SYTL2: variants seen among roughly 807,000 people sequenced by gnomAD.
SYTL2 encodes synaptotagmin like 2, also known as synaptotagmin-like protein 2.
A neutral mutation model predicts 198.7 loss-of-function variants in SYTL2; 165 were observed. That is an observed-to-expected ratio of 0.83 (90% CI 0.73 to 0.94). The LOEUF is 0.94. Ranked by LOEUF, SYTL2 falls within the 40% of genes least tolerant of loss-of-function variation. The pLI, the probability that SYTL2 is intolerant of heterozygous loss-of-function variation, is 0.00. For synonymous variants in SYTL2, 966 were observed against 917.7 expected, an observed-to-expected ratio of 1.05 and a Z score of -0.95; for missense variants, 2,835 against 2,582.8, an observed-to-expected ratio of 1.10 and a Z score of -2.12.
At chr11:85,756,892 T>A (rs560585695) in intron 2 of SYTL2, among the ~76,000 whole-genome samples, 62 of 152,328 alleles carry the variant, frequency 4.1e-4, no homozygotes, top group African/African-American at 1.4e-3. Flanking sequence ...ATCATAAAAT[T>A]AATAATACTA....
intron 2 of SYTL2, among the ~76,000 whole-genome samples, chr11:85,757,243 T>G (rs2091917296): frequency 6.6e-6 from 1 of 151,472 alleles, no homozygotes; most frequent in South Asian, 2.1e-4. Flanking sequence ...TTCTAAAAAT[T>G]TTTTAAAATT....
In SYTL2 at chr11:85,695,268, A is replaced by ACCATCTTCTC; in HGVS notation, c.6637_6646dup (p.Val2216GlyfsTer12). On this transcript the variant is annotated frameshift_variant, in exon 20 of 20. Transcript: ENST00000359152. LOFTEE classifies it high-confidence loss of function. ...TTCAATCCAAGTATTGGGGGAGTTTACCATCTTCTCCCAGAGAGCAACTTC... is the reference window on the plus strand; with the variant it reads ...TTCAATCCAAGTATTGGGGGAGTTTACCATCTTCTCCCATCTTCTCCCAGAGAGCAACTTC... The ACCATCTTCTC allele has an allele frequency of 6.2e-7, 1 of 1,612,788 alleles. No homozygotes were observed. The highest frequency in any genetic ancestry group is 8.5e-7 in the Non-Finnish European group (1 of 1,179,052).
chr11:85,827,396 T>A, the SYTL2 span, among the ~76,000 whole-genome samples: 10 of 152,324 alleles, frequency 6.6e-5, no homozygotes, highest in African/African-American at 2.2e-4. Context: ...CCAGCTCACC[T>A]CACTACCCCT....
In SYTL2 at chr11:85,722,011, GTT is replaced by G. The variant is rs2088385422; in HGVS notation, c.5327-1054_5327-1053del. On this transcript the variant is annotated intron_variant, in intron 8 of 19. Transcript: ENST00000359152. The stretch of plus-strand genomic sequence containing the variant: ...CAAAATTACAGTACCCTTATAGTAG[GTT>G]TCTCTTCATTTTTCACCCCACCCCC... Among the ~76,000 whole-genome samples, 8 of 151,898 alleles carry G rather than the reference GTT, an allele frequency of 5.3e-5. No homozygotes were observed. In the South Asian group the frequency reaches 1.7e-3, roughly 32 times the overall value.
chr11:85,757,794 A>G lies in SYTL2; in HGVS notation c.-69T>C. 6.3e-7 allele frequency: 1 copy of G among 1,590,800 alleles called. No individual in the cohort carries two copies. Among genetic ancestry groups the G allele is most frequent in the South Asian group, 1.1e-5 (1 of 90,594 alleles). ...AAATTCTCAGGGCTGAACAACTAAGACTGCAACCAGGAAGATTAAAACACA... is the reference window on the plus strand; with the variant it reads ...AAATTCTCAGGGCTGAACAACTAAGGCTGCAACCAGGAAGATTAAAACACA... On this transcript the variant is annotated 5_prime_UTR_variant, in exon 2 of 20. Coordinates refer to ENST00000359152, the MANE Select transcript of SYTL2 (RefSeq NM_206927.4).
rs34525642 is a variant in SYTL2, at chr11:85,800,458, C to A, written c.-390+10496G>T. Among the ~76,000 whole-genome samples the A allele has an allele frequency of 2.6e-5, 4 of 151,436 alleles. No individual in the cohort carries two copies. In the South Asian group the frequency reaches 8.3e-4, roughly 31 times the overall value. The stretch of plus-strand genomic sequence containing the variant: ...GCCCTGCTAATTTTTTTCTATTTTT[C>A]TGTAGAGATGGGGTCTTGCTATGTT... On this transcript the variant is annotated intron_variant, in intron 1 of 19. Transcript: ENST00000359152.
intron 11 of SYTL2, 166 bp from the exon 12 acceptor site, chr11:85,714,673 C>A: frequency 2.2e-6 from 3 of 1,346,142 alleles, no homozygotes; most frequent in Non-Finnish European, 2.9e-6. Flanking sequence ...TAGCAACATG[C>A]AGTTTTTATA....
At chr11:85,751,058 G>C (rs1434845882) in intron 2 of SYTL2, among the ~76,000 whole-genome samples, 1 of 152,124 alleles carries the variant, frequency 6.6e-6, no homozygotes, top group Non-Finnish European at 1.5e-5. Context: ...CACAGGTTTT[G>C]CATCGACTCC....
chr11:85,719,242 T>C, intron 9 of SYTL2: 1 of 1,195,224 alleles, frequency 8.4e-7, no homozygotes, highest in South Asian at 1.6e-5. Context: ...TGTGTGTGCA[T>C]CATCATTCAC....
intron 8 of SYTL2, among the ~76,000 whole-genome samples, chr11:85,722,068 G>C (rs564762708): frequency 3.3e-5 from 5 of 151,492 alleles, no homozygotes; most frequent in African/African-American, 9.7e-5. Flanking sequence ...TAATAATTTA[G>C]GTTAGAGTAT....
At chr11:85,789,648 T>C (rs1044328438) in intron 1 of SYTL2, among the ~76,000 whole-genome samples, 1 of 151,886 alleles carries the variant, frequency 6.6e-6, no homozygotes, top group Admixed American at 6.6e-5. Flanking sequence ...ACTAAGCCCT[T>C]CAAAGAATCA....
At position 85,714,464 on chromosome 11, in the gene SYTL2, A is replaced by G; in HGVS notation, c.5574T>C (p.Pro1858=). 1 of 1,613,846 alleles carries G rather than the reference A, an allele frequency of 6.2e-7. No homozygotes were observed. Among genetic ancestry groups the G allele is most frequent in the Non-Finnish European group, 8.5e-7 (1 of 1,179,758 alleles). Residue 1858 remains proline (P), a synonymous_variant, in exon 12 of 20, where the codon CCT becomes CCC. Coordinates refer to ENST00000359152, the MANE Select transcript of SYTL2 (RefSeq NM_206927.4). The part of the protein sequence containing the change: ...PTQPDNPFSH[P]DKLKRMSKSV... ...ACTTGCTCATCCTTTTGAGTTTGTC[A>G]GGGTGAGAAAATGGATTATCAGGTT... is the stretch of plus-strand genomic sequence containing the variant.
At chr11:85,763,112 A>G (rs1390138844) in intron 1 of SYTL2, among the ~76,000 whole-genome samples, 1 of 152,208 alleles carries the variant, frequency 6.6e-6, no homozygotes, top group African/African-American at 2.4e-5. Context: ...AATAAGTTGA[A>G]TGACTTCTCT....
chr11:85,777,116 CA>C (rs1393185961), intron 1 of SYTL2, among the ~76,000 whole-genome samples: 1 of 152,214 alleles, frequency 6.6e-6, no homozygotes, highest in Non-Finnish European at 1.5e-5. Flanking sequence ...CCTACATACA[CA>C]AAAGAGCATT....
chr11:85,842,508 T>A, the SYTL2 span, among the ~76,000 whole-genome samples: 1 of 152,192 alleles, frequency 6.6e-6, no homozygotes, highest in Non-Finnish European at 1.5e-5. Flanking sequence ...CAATAACTTG[T>A]TTGTTAGCGT....
chr11:85,755,193 A>T (rs1307165135), intron 2 of SYTL2, among the ~76,000 whole-genome samples: 1 of 152,076 alleles, frequency 6.6e-6, no homozygotes, highest in Non-Finnish European at 1.5e-5. Context: ...AACTATCCCC[A>T]CAAGTCCCTT....
intron 9 of SYTL2, among the ~76,000 whole-genome samples, chr11:85,719,877 A>G (rs1250535014): frequency 6.6e-6 from 1 of 152,164 alleles, no homozygotes; most frequent in Non-Finnish European, 1.5e-5. Flanking sequence ...TTGCAAATGC[A>G]CAAAAAATAT....
intron 16 of SYTL2, 133 bp downstream of exon 16, chr11:85,704,724 CT>C (rs911217810): frequency 7.5e-5 from 47 of 628,828 alleles, no homozygotes; most frequent in African/African-American, 4.0e-4. Context: ...TTTTACCTTT[CT>C]TTTTTTTCCT....
intron 8 of SYTL2, among the ~76,000 whole-genome samples, chr11:85,721,912 T>C (rs1245001711): frequency 6.6e-6 from 1 of 152,116 alleles, no homozygotes; most frequent in African/African-American, 2.4e-5. Flanking sequence ...ACCTTTAATT[T>C]TTCCCAAAGG....
Sources: allele counts gnomAD v4.1 joint callset (sites outside exome capture counted in the v4.1 genomes callset), GRCh38; gene constraint gnomAD v4.1.1; transcripts MANE v1.5; gene names NCBI Gene and HGNC (gene_info 2026-07-23, HGNC 2026-07-21).